Variants in TMEM156 observed in about 807,000 individuals in gnomAD.
The protein encoded by TMEM156 is transmembrane protein 156.
Under a neutral mutation model 30.5 loss-of-function variants are expected in TMEM156, and 28 were observed. That is an observed-to-expected ratio of 0.92 (90% confidence interval 0.68 to 1.26). The LOEUF (loss-of-function observed/expected upper bound fraction) is 1.26. TMEM156 is among the 50% of genes most tolerant of loss of function. TMEM156 has a pLI of 0.00. For missense variants in TMEM156, 351 were observed against 340.6 expected (o/e 1.03, Z -0.24); for synonymous variants, 137 against 119.9 (o/e 1.14, Z -0.93).
At chr4:38,997,124 G>A (rs894205711) in intron 2 of TMEM156, among the ~76,000 whole-genome samples, 1 of 152,232 alleles carries the variant, frequency 6.6e-6, no homozygotes, top group Non-Finnish European at 1.5e-5. Flanking sequence ...CTTTCAAGGA[G>A]GCAGAGAAGA....
chr4:38,969,943 A>AAGAGT (rs1475255560), intron 6 of TMEM156, among the ~76,000 whole-genome samples: 1 of 152,148 alleles, frequency 6.6e-6, no homozygotes, highest in East Asian at 1.9e-4. Flanking sequence ...TGCTGAATGG[A>AAGAGT]AGAGTAGTTC....
At chr4:39,007,798 T>A (rs1713844592) in intron 1 of TMEM156, among the ~76,000 whole-genome samples, 1 of 152,166 alleles carries the variant, frequency 6.6e-6, no homozygotes, top group Non-Finnish European at 1.5e-5. Flanking sequence ...TTCTTTGATA[T>A]CTTTCAATAA....
At chr4:39,004,305 CAAGTCAA>C (rs1713580251) in intron 1 of TMEM156, among the ~76,000 whole-genome samples, 1 of 152,014 alleles carries the variant, frequency 6.6e-6, no homozygotes, top group African/African-American at 2.4e-5. Flanking sequence ...GACAAATGCT[CAAGTCAA>C]ATATTTTCTC....
intron 5 of TMEM156, among the ~76,000 whole-genome samples, chr4:38,974,674 ATT>A (rs11284825): frequency 3.5e-4 from 50 of 144,182 alleles, no homozygotes; most frequent in African/African-American, 3.8e-4. Flanking sequence ...ATTAAAAGTA[ATT>A]TTTTTTTTTT....
At chr4:38,989,983 TG>T (rs897260722) in intron 3 of TMEM156, among the ~76,000 whole-genome samples, 1 of 151,964 alleles carries the variant, frequency 6.6e-6, no homozygotes, top group African/African-American at 2.4e-5. Flanking sequence ...TTAGTAGAGA[TG>T]GGGTTTCACC....
chr4:38,980,527 A>G (rs935207517), intron 5 of TMEM156, among the ~76,000 whole-genome samples: 1 of 152,252 alleles, frequency 6.6e-6, no homozygotes, highest in African/African-American at 2.4e-5. Context: ...GAGTATCATC[A>G]GATAGTGTCC....
At chr4:38,970,991 G>T (rs1446301423) in intron 6 of TMEM156, 41 bp downstream of exon 6, 4 of 1,300,036 alleles carry the variant, frequency 3.1e-6, no homozygotes, top group South Asian at 1.2e-5. Flanking sequence ...ATTTATCTGT[G>T]TTTATAATGA....
intron 5 of TMEM156, among the ~76,000 whole-genome samples, chr4:38,979,991 T>C (rs1256828057): frequency 6.6e-6 from 1 of 152,128 alleles, no homozygotes; most frequent in Non-Finnish European, 1.5e-5. Context: ...GCGAGTAGCC[T>C]TTTAGGGCTA....
intron 5 of TMEM156, among the ~76,000 whole-genome samples, chr4:38,972,609 T>C (rs1722661426): frequency 6.6e-6 from 1 of 151,758 alleles, no homozygotes; most frequent in Admixed American, 6.6e-5. Context: ...CTGCCTTCTA[T>C]ACCCAGAAGG....
At chr4:38,978,914 T>C (rs186012183) in intron 5 of TMEM156, among the ~76,000 whole-genome samples, 25 of 152,214 alleles carry the variant, frequency 1.6e-4, no homozygotes, top group African/African-American at 6.0e-4. Flanking sequence ...TCCCGAAATG[T>C]TGGATTACAG....
At chr4:38,988,593 C>G (rs979978006) in intron 4 of TMEM156, among the ~76,000 whole-genome samples, 4 of 152,192 alleles carry the variant, frequency 2.6e-5, no homozygotes, top group Non-Finnish European at 4.4e-5. Flanking sequence ...TCCGCTAAGC[C>G]CTGCTCAATG....
chr4:39,008,192 G>T (rs1344163601), intron 1 of TMEM156, among the ~76,000 whole-genome samples: 1 of 152,036 alleles, frequency 6.6e-6, no homozygotes, highest in African/African-American at 2.4e-5. Context: ...GGGCATTCTT[G>T]CTTGCTCCTG....
intron 5 of TMEM156, among the ~76,000 whole-genome samples, chr4:38,974,656 T>G (rs1421216859): frequency 6.8e-6 from 1 of 147,826 alleles, no homozygotes; most frequent in Admixed American, 6.9e-5. Flanking sequence ...AACTGAAGAT[T>G]TTTTTTAATT....
rs772382391 is a variant in TMEM156 at position 38,993,982 on chromosome 4, T to A, written c.375A>T (p.Gly125=). The change falls in exon 3 of 7, where the codon GGA becomes GGT. Residue 125 remains glycine (G), a synonymous_variant. Transcript: ENST00000381938. ...AATCATTTGCTTTCACTTCCATTGA[T>A]CCTCTCCTGATAAGAACTAGAAAGT... is the stretch of plus-strand genomic sequence containing the variant. ...EQTSKVLIRR[G]SMEVKANDFH... 1.9e-6 allele frequency: 3 copies of A among 1,613,516 alleles called. No individual in the cohort carries two copies. The Admixed American group carries it at 5.0e-5, about 27-fold the overall frequency.
At chr4:38,976,236 A>G (rs1174460262) in intron 5 of TMEM156, among the ~76,000 whole-genome samples, 1 of 145,370 alleles carries the variant, frequency 6.9e-6, no homozygotes, top group Non-Finnish European at 1.5e-5. Context: ...AGTTGCAGTG[A>G]GCCAAGATCA....
intron 5 of TMEM156, among the ~76,000 whole-genome samples, chr4:38,984,345 CTCTCTGTG>C (rs770264617): frequency 8.7e-5 from 10 of 114,862 alleles, no homozygotes; most frequent in African/African-American, 2.8e-4. Context: ...CTCTCTCTCT[CTCTCTGTG>C]TGTGTGTGTG....
intron 6 of TMEM156, among the ~76,000 whole-genome samples, chr4:38,969,101 A>G (rs541965440): frequency 6.6e-6 from 1 of 152,366 alleles, no homozygotes; most frequent in South Asian, 2.1e-4. Flanking sequence ...TCGCCCAAGT[A>G]CAATACATTT....
At chr4:38,986,090 C>T (rs35137679) in intron 5 of TMEM156, among the ~76,000 whole-genome samples, 22,528 of 152,196 alleles carry the variant, frequency 0.15, 1,740 homozygotes, top group Middle Eastern at 0.17. Flanking sequence ...CCTCTGCCTA[C>T]TCACATGAAT....
chr4:38,994,962 G>A (rs1338983363), intron 2 of TMEM156, among the ~76,000 whole-genome samples: 1 of 151,938 alleles, frequency 6.6e-6, no homozygotes, highest in Admixed American at 6.6e-5. Context: ...AAGAACAGAA[G>A]TTTGTCTCAC....
Sources: allele counts gnomAD v4.1 joint callset (sites outside exome capture counted in the v4.1 genomes callset), GRCh38; gene constraint gnomAD v4.1.1; transcripts MANE v1.5; gene names NCBI Gene and HGNC (gene_info 2026-07-23, HGNC 2026-07-21).